Variants in NXN observed in about 807,000 individuals in gnomAD.
NXN encodes the protein nucleoredoxin.
NXN carries 16 observed loss-of-function variants against 48.6 expected under a neutral mutation model. The observed-to-expected ratio is 0.33, with a 90% CI of 0.22 to 0.50. NXN has a LOEUF of 0.50. Among genes scored for constraint, NXN ranks in the 20% least tolerant of loss-of-function variants. The probability of loss-of-function intolerance (pLI) is 0.98; values close to 1 mark genes in which losing one functional copy is unlikely to be tolerated. For missense variants in NXN, 492 were observed against 605.5 expected (o/e 0.81, Z 1.97); for synonymous variants, 281 against 269.6 (o/e 1.04, Z -0.41).
In NXN at chr17:951,908, G is replaced by A. The variant is rs77054953; in HGVS notation, c.360+27411C>T. On this transcript the variant is annotated intron_variant, in intron 1 of 7. Coordinates refer to ENST00000336868, the MANE Select transcript of NXN (RefSeq NM_022463.5). ...CCGGGAAGGGGAGCTCAGCCTCCCC[G>A]AGAATGCACCAGAGCCTGAGTCCTG... Among the ~76,000 whole-genome samples, 988 of 152,286 alleles carry A rather than the reference G, an allele frequency of 6.5e-3. 14 individuals are homozygous for A. The highest frequency in any genetic ancestry group is 0.023 in the African/African-American group (948 of 41,554).
intron 1 of NXN, among the ~76,000 whole-genome samples, chr17:912,441 C>T (rs749207582): frequency 2.0e-5 from 3 of 152,116 alleles, no homozygotes; most frequent in Non-Finnish European, 2.9e-5. Context: ...TCAGATTACG[C>T]TCCCCCAACC....
intron 1 of NXN, among the ~76,000 whole-genome samples, chr17:911,957 A>G (rs1237015510): frequency 7.0e-6 from 1 of 142,678 alleles, no homozygotes; most frequent in Non-Finnish European, 1.5e-5. Context: ...TTTTTTTGAG[A>G]TGGACAGTCT....
rs763398102 is a variant in NXN, at chr17:805,161, G to C, written c.907C>G (p.Arg303Gly). The change falls in exon 6 of 8, where the codon CGG becomes GGG. Residue 303 changes from arginine (R) to glycine (G), a missense_variant. Around this residue, in one of 3 missense-constraint regions of NXN, gnomAD observed 303 missense variants for 388.3 expected, o/e 0.78. Transcript: ENST00000336868. ...RVEVLNDEDC[R>G]EFPWHPKPVL... ...GGCTTGGGGTGCCAGGGGAACTCCC[G>C]GCAGTCCTCGTCGTTCAGCACCTCC... The C allele has an allele frequency of 6.2e-7, 1 of 1,610,172 alleles. No homozygotes were observed. The highest frequency in any genetic ancestry group is 1.3e-5 in the African/African-American group (1 of 75,022).
chr17:804,718 G>C (rs995260609), intron 6 of NXN, among the ~76,000 whole-genome samples: 1 of 152,364 alleles, frequency 6.6e-6, no homozygotes, highest in African/African-American at 2.4e-5. Context: ...AGCAGCCTTG[G>C]TGAGCCTCGG....
At chr17:901,739 G>A (rs1362335456) in intron 1 of NXN, among the ~76,000 whole-genome samples, 3 of 152,042 alleles carry the variant, frequency 2.0e-5, no homozygotes, top group East Asian at 3.9e-4. Context: ...TCGCTCTGTC[G>A]CCCAAGCCGC....
intron 1 of NXN, among the ~76,000 whole-genome samples, chr17:898,086 C>T (rs950459688): frequency 6.6e-6 from 1 of 152,228 alleles, no homozygotes; most frequent in Non-Finnish European, 1.5e-5. Flanking sequence ...CCACCTACTG[C>T]TGTGCCTTTC....
intron 5 of NXN, among the ~76,000 whole-genome samples, chr17:809,885 T>TC (rs1567810362): frequency 8.4e-6 from 1 of 118,388 alleles, no homozygotes; most frequent in Non-Finnish European, 1.9e-5. Context: ...GAGTGGCGTG[T>TC]ACGTTAAGAG....
At chr17:936,920 A>C (rs2068913996) in intron 1 of NXN, among the ~76,000 whole-genome samples, 1 of 152,084 alleles carries the variant, frequency 6.6e-6, no homozygotes, top group South Asian at 2.1e-4. Context: ...AGAGGCAGAA[A>C]GGCCGGGTAC....
chr17:803,520 C>A (rs955540062), intron 7 of NXN, among the ~76,000 whole-genome samples, 162 bp downstream of exon 7: 7 of 152,180 alleles, frequency 4.6e-5, no homozygotes, highest in Non-Finnish European at 1.5e-5. Context: ...TTTTCCATGG[C>A]GAATGGCTAC....
chr17:903,602 C>CA (rs2068556683), intron 1 of NXN, among the ~76,000 whole-genome samples: 2 of 152,102 alleles, frequency 1.3e-5, no homozygotes, highest in South Asian at 4.1e-4. Context: ...AGGCTGGTCT[C>CA]AAACTCCTGG....
chr17:872,892 G>A (rs1364642564), intron 1 of NXN, among the ~76,000 whole-genome samples: 1 of 152,078 alleles, frequency 6.6e-6, no homozygotes, highest in Non-Finnish European at 1.5e-5. Context: ...GTGTTGGGAT[G>A]ACAGGTGTGA....
intron 1 of NXN, among the ~76,000 whole-genome samples, chr17:897,825 G>A (rs9903343): frequency 0.16 from 24,964 of 152,102 alleles, 2,249 homozygotes; most frequent in Middle Eastern, 0.33. Context: ...ACAGGTGCCC[G>A]CCACCACGCA....
At chr17:975,330 G>A (rs1383077828) in intron 1 of NXN, among the ~76,000 whole-genome samples, 1 of 152,222 alleles carries the variant, frequency 6.6e-6, no homozygotes, top group Admixed American at 6.5e-5. Flanking sequence ...CACAGCAACT[G>A]TTCTCTTCCT....
chr17:857,263 T>G (rs2067995630), intron 1 of NXN, among the ~76,000 whole-genome samples: 2 of 152,066 alleles, frequency 1.3e-5, no homozygotes, highest in African/African-American at 4.8e-5. Flanking sequence ...TTCTTTTTTC[T>G]TTCTTTTTTT....
chr17:942,309 A>ATC (rs1398191703), intron 1 of NXN, among the ~76,000 whole-genome samples: 29 of 34,426 alleles, frequency 8.4e-4, no homozygotes, highest in Middle Eastern at 0.024. Context: ...GAATTCACCA[A>ATC]ACACCTCCCT....
intron 6 of NXN, 102 bp from the exon 7 acceptor site, chr17:803,908 C>G (rs1386677251): frequency 6.7e-6 from 10 of 1,492,720 alleles, no homozygotes; most frequent in Non-Finnish European, 9.2e-6. Flanking sequence ...AAACGCCCGC[C>G]TGAGCGGCCC....
At chr17:810,303 C>CTGTGAGTGGCGTGCACGTTGAGTCCG (rs1567810901) in intron 5 of NXN, among the ~76,000 whole-genome samples, 1 of 95,344 alleles carries the variant, frequency 1.0e-5, no homozygotes, top group African/African-American at 3.5e-5. Flanking sequence ...CGTTACGAGT[C>CTGTGAGTGGCGTGCACGTTGAGTCCG]TGTGAGTGGT....
chr17:880,243 G>C (rs893745423), intron 1 of NXN: 2 of 152,034 alleles, frequency 1.3e-5, no homozygotes, highest in African/African-American at 2.4e-5. Flanking sequence ...GAATGAGGGA[G>C]GCGTCTCTTT....
chr17:872,867 C>T (rs1050509793), intron 1 of NXN, among the ~76,000 whole-genome samples: 2 of 152,116 alleles, frequency 1.3e-5, no homozygotes, highest in African/African-American at 4.8e-5. Context: ...GTGATCCACC[C>T]GCCTTGGCCT....
Sources: gnomAD v4.1 joint callset for allele counts (sites outside exome capture counted in the v4.1 genomes callset) on GRCh38, gnomAD v4.1.1 for gene constraint, gnomAD v4.1.1 regional missense constraint, MANE v1.5 for transcripts, NCBI Gene and HGNC (gene_info 2026-07-23, HGNC 2026-07-21) for gene names.